PRKG2: variants seen among roughly 807,000 people sequenced by gnomAD.
The protein encoded by PRKG2 is cGMP-dependent protein kinase 2.
A neutral mutation model predicts 97.2 loss-of-function variants in PRKG2; 33 were observed. The observed-to-expected ratio is 0.34, with a 90% CI of 0.26 to 0.45. PRKG2 has a LOEUF of 0.45. Ranked by LOEUF, PRKG2 falls within the 20% of genes least tolerant of loss-of-function variation. The pLI is 1.00. For missense variants in PRKG2, 638 were observed against 900.0 expected (o/e 0.71, Z 3.73); for synonymous variants, 330 against 321.8 (o/e 1.03, Z -0.27).
intron 14 of PRKG2, among the ~76,000 whole-genome samples, chr4:81,132,127 T>A (rs1320260728): frequency 6.6e-6 from 1 of 152,070 alleles, no homozygotes; most frequent in Admixed American, 6.5e-5. Flanking sequence ...CTCATACTTT[T>A]TACATATGAA....
intron 17 of PRKG2, among the ~76,000 whole-genome samples, 165 bp from the exon 18 acceptor site, chr4:81,092,617 C>T (rs915304883): frequency 6.6e-6 from 1 of 152,066 alleles, no homozygotes; most frequent in Non-Finnish European, 1.5e-5. Context: ...GCTAATTATT[C>T]CCAAATTTCT....
intron 3 of PRKG2, among the ~76,000 whole-genome samples, chr4:81,173,587 A>C (rs1421309595): frequency 1.3e-5 from 2 of 152,162 alleles, no homozygotes; most frequent in Non-Finnish European, 2.9e-5. Context: ...ACTATAACTC[A>C]TTAATTAAGT....
chr4:81,210,128 C>T (rs1753891021), intron 1 of PRKG2, among the ~76,000 whole-genome samples: 1 of 151,664 alleles, frequency 6.6e-6, no homozygotes, highest in Admixed American at 6.6e-5. Flanking sequence ...TTACAAAACC[C>T]CCAAAAGACA....
intron 2 of PRKG2, among the ~76,000 whole-genome samples, chr4:81,199,553 TCA>T (rs1753173787): frequency 6.6e-6 from 1 of 152,206 alleles, no homozygotes; most frequent in African/African-American, 2.4e-5. Flanking sequence ...CTCAGTTTTC[TCA>T]TATATAAAAT....
At chr4:81,139,478 TA>T (rs1747037829) in intron 12 of PRKG2, among the ~76,000 whole-genome samples, 1 of 151,696 alleles carries the variant, frequency 6.6e-6, no homozygotes, top group Non-Finnish European at 1.5e-5. Flanking sequence ...TACTCAAGAA[TA>T]AAAACAGGCT....
intron 2 of PRKG2, among the ~76,000 whole-genome samples, chr4:81,204,217 C>T (rs915270655): frequency 6.6e-6 from 1 of 150,878 alleles, no homozygotes; most frequent in African/African-American, 2.5e-5. Context: ...AAATGTGACT[C>T]TCTTTTTTTT....
Position 81,171,734 on chromosome 4 carries a change from C to T in PRKG2, c.699G>A (p.Glu233=), listed in dbSNP as rs758498820. The T allele has an allele frequency of 3.6e-5, 58 of 1,610,520 alleles. No individual in the cohort carries two copies. The highest frequency in any genetic ancestry group is 4.8e-5 in the Non-Finnish European group (56 of 1,178,332). The change falls in exon 4 of 19, where the codon GAG becomes GAA. Residue 233 remains glutamate, a synonymous_variant. Coordinates refer to ENST00000264399, the MANE Select transcript of PRKG2 (RefSeq NM_006259.3). ...TTGTACAATTGTATAAAATGGCAAG[C>T]TCCCCAAATGTGGTCCACATAGGGA... ...SSIPMWTTFG[E]LAILYNCTRT...
chr4:81,140,520 A>G lies in PRKG2; in HGVS notation c.1544+13T>C, dbSNP rs920719033. The G allele has an allele frequency of 3.2e-6, 5 of 1,560,288 alleles. No individual in the cohort carries two copies. Among genetic ancestry groups the G allele is most frequent in the Non-Finnish European group, 4.3e-6 (5 of 1,149,696 alleles). ...GAAAATCCTAACTCCTTGGAAGCCA[A>G]GTGGTCACTTACTTCACAATGAATG... On this transcript the variant is annotated intron_variant, in intron 12 of 18. Coordinates refer to ENST00000264399, the MANE Select transcript of PRKG2 (RefSeq NM_006259.3).
chr4:81,206,507 T>C (rs550432921), intron 1 of PRKG2, among the ~76,000 whole-genome samples: 1 of 152,274 alleles, frequency 6.6e-6, no homozygotes, highest in South Asian at 2.1e-4. Context: ...GTGAGTCCAT[T>C]AAACCCCTTT....
At chr4:81,171,670 G>T in intron 4 of PRKG2, 21 bp downstream of exon 4, 2 of 1,542,698 alleles carry the variant, frequency 1.3e-6, no homozygotes, top group South Asian at 2.4e-5. Context: ...TTCAAAGATG[G>T]AGCATTTCCT....
chr4:81,159,193 AT>A (rs2110069840), intron 6 of PRKG2, among the ~76,000 whole-genome samples: 1 of 152,100 alleles, frequency 6.6e-6, no homozygotes, highest in African/African-American at 2.4e-5. Context: ...ATGGGAGAAA[AT>A]TTTTGCAACC....
chr4:81,186,720 AC>A (rs1751915002), intron 2 of PRKG2, among the ~76,000 whole-genome samples: 1 of 152,124 alleles, frequency 6.6e-6, no homozygotes, highest in Admixed American at 6.5e-5. Flanking sequence ...AAATAGATAG[AC>A]CCCTAGCCAG....
chr4:81,141,225 A>G (rs1336593212), intron 11 of PRKG2, among the ~76,000 whole-genome samples: 1 of 152,008 alleles, frequency 6.6e-6, no homozygotes, highest in African/African-American at 2.4e-5. Context: ...TGCTCAGGCT[A>G]ATTTCAAACT....
intron 16 of PRKG2, among the ~76,000 whole-genome samples, 161 bp downstream of exon 16, chr4:81,105,652 C>T (rs1743250082): frequency 6.6e-6 from 1 of 151,948 alleles, no homozygotes; most frequent in Non-Finnish European, 1.5e-5. Flanking sequence ...AACTAAAACC[C>T]CCTACACTGC....
intron 2 of PRKG2, among the ~76,000 whole-genome samples, chr4:81,197,119 G>T (rs1753007676): frequency 6.6e-6 from 1 of 152,170 alleles, no homozygotes; most frequent in South Asian, 2.1e-4. Context: ...TCACTAGGAG[G>T]CAAAGGCCAG....
At chr4:81,162,235 A>AC (rs1749641380) in intron 6 of PRKG2, among the ~76,000 whole-genome samples, 1 of 152,172 alleles carries the variant, frequency 6.6e-6, no homozygotes, top group African/African-American at 2.4e-5. Flanking sequence ...GGTGACTGTT[A>AC]ATCTTACGAA....
At chr4:81,154,075 G>A in intron 6 of PRKG2, 1 of 179,968 alleles carries the variant, frequency 5.6e-6, no homozygotes, top group Non-Finnish European at 1.2e-5. Context: ...TAAAAAAACG[G>A]CGCACCACGA....
At chr4:81,117,445 T>C (rs1447770052) in intron 14 of PRKG2, among the ~76,000 whole-genome samples, 2 of 152,112 alleles carry the variant, frequency 1.3e-5, no homozygotes, top group African/African-American at 4.8e-5. Context: ...CTTTTGAGAG[T>C]TAGTGGTATA....
chr4:81,207,015 C>T (rs1468141968), intron 1 of PRKG2, among the ~76,000 whole-genome samples: 1 of 152,118 alleles, frequency 6.6e-6, no homozygotes, highest in African/African-American at 2.4e-5. Flanking sequence ...GCAGGTTTAA[C>T]CTTTAAGTTT....
Sources: gnomAD v4.1 joint callset for allele counts (sites outside exome capture counted in the v4.1 genomes callset) on GRCh38, gnomAD v4.1.1 for gene constraint, MANE v1.5 for transcripts, NCBI Gene and HGNC (gene_info 2026-07-23, HGNC 2026-07-21) for gene names.